The following WWP1 variants were observed in gnomAD, a reference collection of about 807,000 sequenced individuals.
WWP1 encodes NEDD4-like E3 ubiquitin-protein ligase WWP1.
In WWP1, 49 loss-of-function variants were observed where a neutral mutation model predicts 130.6. The ratio of observed to expected loss-of-function variants is 0.38; its 90% CI spans 0.30 to 0.48. The LOEUF is 0.48. WWP1 is among the 20% of genes least tolerant of loss of function. The probability of loss-of-function intolerance (pLI) is 0.99; values close to 1 mark genes in which losing one functional copy is unlikely to be tolerated. For missense variants in WWP1, 809 were observed against 1,100.6 expected (o/e 0.74, Z 3.75); for synonymous variants, 332 against 367.8 (o/e 0.90, Z 1.11).
intron 21 of WWP1, 38 bp from the exon 22 acceptor site, chr8:86,457,883 A>G (rs200431225): frequency 8.8e-6 from 14 of 1,584,244 alleles, no homozygotes; most frequent in Non-Finnish European, 1.1e-5. Context: ...CTCTTCACTA[A>G]ATCTTTATTG....
rs747544213 is a variant in WWP1, at chr8:86,438,629, A to G, written c.1794A>G (p.Val598=). 1 of 1,608,742 alleles carries G rather than the reference A, an allele frequency of 6.2e-7. No individual in the cohort carries two copies. Among genetic ancestry groups the G allele is most frequent in the South Asian group, 1.1e-5 (1 of 89,510 alleles). Residue 598 remains valine, a synonymous_variant, in exon 17 of 25, where the codon GTA becomes GTG. Transcript: ENST00000517970. ...KPYDLRRRLY[V]IFRGEEGLDY... is the part of the protein sequence containing the mutation. The stretch of plus-strand genomic sequence containing the variant: ...ATGACTTGAGGAGGCGCTTATATGT[A>G]ATATTTAGAGGAGAAGAAGGACTTG...
chr8:86,411,723 G>A lies in WWP1; in HGVS notation c.910G>A (p.Glu304Lys), dbSNP rs1388325598. The A allele has an allele frequency of 1.2e-6, 2 of 1,613,994 alleles. No individual in the cohort carries two copies. The highest frequency in any genetic ancestry group is 1.3e-5 in the African/African-American group (1 of 74,910). The change falls in exon 9 of 25, where the codon GAA becomes AAA. Residue 304 changes from glutamate (E) to lysine (K), a missense_variant. Coordinates refer to ENST00000517970, the MANE Select transcript of WWP1 (RefSeq NM_007013.4). ...TATTCCTTCTACCAGTGCAGAATTGGAATCTGAAGCTAGAAGTATATTAGA... is the reference window on the plus strand; with the variant it reads ...TATTCCTTCTACCAGTGCAGAATTGAAATCTGAAGCTAGAAGTATATTAGA... ...ECIPSTSAEL[E>K]SEARSILEPD...
At chr8:86,435,408 A>T in intron 14 of WWP1, 44 bp from the exon 15 acceptor site, 1 of 1,587,004 alleles carries the variant, frequency 6.3e-7, no homozygotes, top group Non-Finnish European at 8.6e-7. Flanking sequence ...CTAAATATTC[A>T]ACTTTATTAT....
At chr8:86,361,718 C>CA (rs1452183837) in intron 1 of WWP1, among the ~76,000 whole-genome samples, 10 of 152,044 alleles carry the variant, frequency 6.6e-5, no homozygotes, top group African/African-American at 2.4e-4. Flanking sequence ...CTCCACAACT[C>CA]ATCTCAACTG....
In WWP1 at chr8:86,442,684, G is replaced by T. The variant is rs1810652427; in HGVS notation, c.1904G>T (p.Gly635Val). 6.2e-7 allele frequency: 1 copy of T among 1,611,986 alleles called. No homozygotes were observed. Among genetic ancestry groups the T allele is most frequent in the Non-Finnish European group, 8.5e-7 (1 of 1,179,350 alleles). Residue 635 changes from glycine (G) to valine (V), a missense_variant, in exon 18 of 25, where the codon GGC becomes GTC. Coordinates refer to ENST00000517970, the MANE Select transcript of WWP1 (RefSeq NM_007013.4). The stretch of plus-strand genomic sequence containing the variant: ...ATGTATTGCTTATTTGAGTATGCGG[G>T]CAAGAACAACTATTGTCTGCAGATA... Reference protein sequence around the residue: ...NPMYCLFEYAGKNNYCLQINP... With the variant: ...NPMYCLFEYAVKNNYCLQINP...
intron 7 of WWP1, among the ~76,000 whole-genome samples, chr8:86,398,998 T>A (rs1452280665): frequency 6.6e-6 from 1 of 152,188 alleles, no homozygotes; most frequent in Non-Finnish European, 1.5e-5. Flanking sequence ...ATGAATCTAC[T>A]TTTTCTGTGT....
At chr8:86,349,415 T>A (rs1728762163) in intron 1 of WWP1, among the ~76,000 whole-genome samples, 1 of 152,246 alleles carries the variant, frequency 6.6e-6, no homozygotes, top group Non-Finnish European at 1.5e-5. Flanking sequence ...CTAGCCCAGG[T>A]TCAAGGGTAC....
chr8:86,412,109 A>G (rs892086241), intron 9 of WWP1, among the ~76,000 whole-genome samples: 1 of 152,176 alleles, frequency 6.6e-6, no homozygotes, highest in South Asian at 2.1e-4. Context: ...ACCTGATGTT[A>G]ATTAGCAAGA....
chr8:86,450,357 T>C (rs1811109652), intron 20 of WWP1, among the ~76,000 whole-genome samples: 1 of 152,178 alleles, frequency 6.6e-6, no homozygotes, highest in Non-Finnish European at 1.5e-5. Flanking sequence ...ATTACGCTAG[T>C]TGGAAAAAAA....
At chr8:86,432,992 A>G (rs1810072446) in intron 14 of WWP1, among the ~76,000 whole-genome samples, 1 of 152,044 alleles carries the variant, frequency 6.6e-6, no homozygotes, top group African/African-American at 2.4e-5. Context: ...TCTCCTTTAA[A>G]CCAACTCCAA....
At chr8:86,365,875 G>C (rs978709578) in intron 1 of WWP1, among the ~76,000 whole-genome samples, 1 of 152,120 alleles carries the variant, frequency 6.6e-6, no homozygotes. Flanking sequence ...AGAACACCAA[G>C]TTTATTTGAA....
intron 4 of WWP1, 84 bp from the exon 5 acceptor site, chr8:86,381,421 T>TA: frequency 6.8e-7 from 1 of 1,460,556 alleles, no homozygotes; most frequent in East Asian, 2.5e-5. Context: ...ATTACTGAAA[T>TA]AAATGCTTTA....
At chr8:86,445,979 T>TTCTTTC (rs1245913180) in intron 18 of WWP1, among the ~76,000 whole-genome samples, 3 of 71,770 alleles carry the variant, frequency 4.2e-5, no homozygotes, top group Non-Finnish European at 5.3e-5. Context: ...TTCTTTTCTT[T>TTCTTTC]TTTTTTTTTT....
intron 1 of WWP1, among the ~76,000 whole-genome samples, chr8:86,361,200 G>C (rs560528688): frequency 1.4e-4 from 22 of 152,308 alleles, no homozygotes; most frequent in African/African-American, 5.3e-4. Context: ...GCTGTGCTTA[G>C]TTTGGATGAG....
At chr8:86,412,070 A>G (rs1034690534) in intron 9 of WWP1, among the ~76,000 whole-genome samples, 196 bp downstream of exon 9, 2 of 152,232 alleles carry the variant, frequency 1.3e-5, no homozygotes, top group Admixed American at 6.5e-5. Flanking sequence ...TCTGGTTGAC[A>G]TATATGTAGT....
At chr8:86,392,577 CTCTT>C (rs1305312564) in intron 5 of WWP1, among the ~76,000 whole-genome samples, 10 of 152,166 alleles carry the variant, frequency 6.6e-5, no homozygotes, top group Admixed American at 2.6e-4. Flanking sequence ...GAATAAATCT[CTCTT>C]TATATTGAAT....
Position 86,430,682 on chromosome 8 carries a change from CT to C in WWP1, c.1333-11del. The C allele has an allele frequency of 1.3e-6, 2 of 1,582,164 alleles. No homozygotes were observed. The highest frequency in any genetic ancestry group is 8.6e-7 in the Non-Finnish European group (1 of 1,162,218). On this transcript the variant is annotated splice_polypyrimidine_tract_variant and intron_variant, in intron 11 of 24. Coordinates refer to ENST00000517970, the MANE Select transcript of WWP1 (RefSeq NM_007013.4). ...CTGTTATTTTATTTCTCTCCCTAATCTTTTCTCCAATCAGGCTTCAATGTTA... is the reference window on the plus strand; with the variant it reads ...CTGTTATTTTATTTCTCTCCCTAATCTTTCTCCAATCAGGCTTCAATGTTA...
intron 1 of WWP1, among the ~76,000 whole-genome samples, chr8:86,355,316 C>G (rs1298541005): frequency 6.6e-6 from 1 of 152,158 alleles, no homozygotes; most frequent in South Asian, 2.1e-4. Flanking sequence ...TTTGGCCTGC[C>G]ATTAAGAAGC....
intron 1 of WWP1, among the ~76,000 whole-genome samples, chr8:86,348,314 G>A (rs1350163362): frequency 6.6e-6 from 1 of 152,088 alleles, no homozygotes; most frequent in Non-Finnish European, 1.5e-5. Flanking sequence ...CGCCTCCTGG[G>A]TTCAAGAGAT....
Sources: allele counts gnomAD v4.1 joint callset (sites outside exome capture counted in the v4.1 genomes callset), GRCh38; gene constraint gnomAD v4.1.1; transcripts MANE v1.5; gene names NCBI Gene and HGNC (gene_info 2026-07-23, HGNC 2026-07-21).